FIGN: variants seen among roughly 807,000 people sequenced by gnomAD.
FIGN encodes the protein fidgetin.
A neutral mutation model predicts 51.3 loss-of-function variants in FIGN; 11 were observed. The ratio of observed to expected loss-of-function variants is 0.21; its 90% CI spans 0.13 to 0.35. The LOEUF is 0.35. FIGN is among the 10% of genes least tolerant of loss of function. The probability of loss-of-function intolerance (pLI) is 1.00; values close to 1 mark genes in which losing one functional copy is unlikely to be tolerated. For synonymous variants in FIGN, 407 were observed against 363.2 expected, an observed-to-expected ratio of 1.12 and a Z score of -1.37; for missense variants, 857 against 943.6, an observed-to-expected ratio of 0.91 and a Z score of 1.20.
intron 2 of FIGN, among the ~76,000 whole-genome samples, chr2:163,636,610 G>C (rs1683229645): frequency 6.6e-6 from 1 of 152,036 alleles, no homozygotes; most frequent in Non-Finnish European, 1.5e-5. Flanking sequence ...TAATGAAGAT[G>C]GTATGGATGA....
At chr2:163,661,682 G>C (rs185509224) in intron 2 of FIGN, among the ~76,000 whole-genome samples, 1 of 152,174 alleles carries the variant, frequency 6.6e-6, no homozygotes, top group East Asian at 1.9e-4. Context: ...GAGAGACCCA[G>C]GGGGAGGTAA....
At chr2:163,612,310 C>A (rs1351667707) in intron 2 of FIGN, 4 of 985,228 alleles carry the variant, frequency 4.1e-6, no homozygotes, top group Non-Finnish European at 4.8e-6. Flanking sequence ...ACACAGCTGA[C>A]AGATCACATC....
intron 2 of FIGN, among the ~76,000 whole-genome samples, chr2:163,697,407 T>A (rs1684339404): frequency 6.6e-6 from 1 of 152,116 alleles, no homozygotes. Flanking sequence ...AGCCTCTGTG[T>A]CATGATTACT....
chr2:163,735,024 A>C lies in FIGN; in HGVS notation c.-97T>G. ...AAGCCACTTTTCCTCTCAGCTATCA[A>C]ATGTCACTGCCTTGAAACGTGGGCC... On this transcript the variant is annotated 5_prime_UTR_variant, in exon 2 of 3. The change creates a new upstream start codon in the 5' untranslated region. Coordinates refer to ENST00000333129, the MANE Select transcript of FIGN (RefSeq NM_018086.4). 1.6e-6 allele frequency: 2 copies of C among 1,274,840 alleles called. No individual in the cohort carries two copies. The highest frequency in any genetic ancestry group is 2.3e-6 in the Non-Finnish European group (2 of 888,058). 79.0% of individuals were successfully genotyped at this position (1,274,840 alleles called of 1,614,324 possible).
chr2:163,634,662 T>C (rs1231446994), intron 2 of FIGN, among the ~76,000 whole-genome samples: 3 of 152,376 alleles, frequency 2.0e-5, no homozygotes, highest in Admixed American at 2.0e-4. Flanking sequence ...TCCACAAAAT[T>C]ACCTGTGATA....
At chr2:163,719,317 G>A (rs1684718254) in intron 2 of FIGN, among the ~76,000 whole-genome samples, 3 of 152,032 alleles carry the variant, frequency 2.0e-5, no homozygotes, top group Admixed American at 1.3e-4. Context: ...GAATTATGGC[G>A]GTAAGAAGGG....
At chr2:163,654,557 A>G (rs1229030886) in intron 2 of FIGN, among the ~76,000 whole-genome samples, 1 of 152,144 alleles carries the variant, frequency 6.6e-6, no homozygotes, top group Non-Finnish European at 1.5e-5. Context: ...TCAGTGTTCT[A>G]TTTAACTTGT....
chr2:163,700,146 T>C (rs1036197803), intron 2 of FIGN, among the ~76,000 whole-genome samples: 1 of 152,174 alleles, frequency 6.6e-6, no homozygotes, highest in Non-Finnish European at 1.5e-5. Flanking sequence ...GCACCAGTTA[T>C]GCACCTAGTA....
chr2:163,689,997 G>A (rs1037759014), intron 2 of FIGN, among the ~76,000 whole-genome samples: 13 of 152,112 alleles, frequency 8.5e-5, no homozygotes, highest in East Asian at 5.8e-4. Context: ...AGATGTCCTT[G>A]TTTTGGGTGA....
chr2:163,706,988 C>T (rs1684510032), intron 2 of FIGN, among the ~76,000 whole-genome samples: 1 of 152,128 alleles, frequency 6.6e-6, no homozygotes. Context: ...AAAAACTTAA[C>T]ATTTCTTTTC....
At chr2:163,629,953 T>TC (rs1491419301) in intron 2 of FIGN, among the ~76,000 whole-genome samples, 1 of 58,150 alleles carries the variant, frequency 1.7e-5, no homozygotes, top group Non-Finnish European at 3.5e-5. Flanking sequence ...AAAGGGGCAC[T>TC]TTTTTTTTTT....
intron 2 of FIGN, among the ~76,000 whole-genome samples, chr2:163,712,917 T>C (rs1684610260): frequency 6.6e-6 from 1 of 152,208 alleles, no homozygotes; most frequent in Non-Finnish European, 1.5e-5. Context: ...TGTAGTGCTT[T>C]CTAAAGTAAA....
At chr2:163,663,004 T>C (rs1683714491) in intron 2 of FIGN, among the ~76,000 whole-genome samples, 2 of 152,168 alleles carry the variant, frequency 1.3e-5, no homozygotes, top group Non-Finnish European at 2.9e-5. Context: ...CTCTTTTTCT[T>C]CCCAGTCTTG....
chr2:163,610,653 G>C lies in FIGN; in HGVS notation c.1179C>G (p.Ser393Arg). ...MSSEQQRKFS[S>R]QSSRALTPPS... Reference sequence around the variant, plus strand: ...GAGGGGTCAGAGCCCTACTGGACTGGCTGCTGAATTTCCTTTGCTGTTCAG... The same window carrying C: ...GAGGGGTCAGAGCCCTACTGGACTGCCTGCTGAATTTCCTTTGCTGTTCAG... Residue 393 changes from serine (S) to arginine (R), a missense_variant, in exon 3 of 3, where the codon AGC (serine) becomes AGG (arginine). Physicochemically the swap from Ser to Arg is moderately radical, Grantham distance 110 (BLOSUM62 -1). Around this residue, in one of 3 missense-constraint regions of FIGN, gnomAD observed 799 missense variants for 849.5 expected, o/e 0.94. Coordinates refer to ENST00000333129, the MANE Select transcript of FIGN (RefSeq NM_018086.4). 1 of 1,614,188 alleles carries C rather than the reference G, an allele frequency of 6.2e-7. No individual in the cohort carries two copies. The highest frequency in any genetic ancestry group is 8.5e-7 in the Non-Finnish European group (1 of 1,180,032).
At chr2:163,665,128 C>T (rs1405243706) in intron 2 of FIGN, among the ~76,000 whole-genome samples, 1 of 152,224 alleles carries the variant, frequency 6.6e-6, no homozygotes, top group East Asian at 1.9e-4. Context: ...ACATTGTGGA[C>T]AGTGCTGTTT....
chr2:163,649,803 A>G (rs1053539713), intron 2 of FIGN, among the ~76,000 whole-genome samples: 27 of 152,350 alleles, frequency 1.8e-4, no homozygotes, highest in African/African-American at 5.8e-4. Context: ...TACAAGAGGA[A>G]ATTTAGATGA....
At chr2:163,676,422 A>G (rs1390574993) in intron 2 of FIGN, among the ~76,000 whole-genome samples, 2 of 127,324 alleles carry the variant, frequency 1.6e-5, no homozygotes, top group South Asian at 2.7e-4. Context: ...AAAACATCTC[A>G]TGGATTCCTG....
At chr2:163,616,704 TA>T (rs1042642669) in intron 2 of FIGN, among the ~76,000 whole-genome samples, 6 of 152,112 alleles carry the variant, frequency 3.9e-5, no homozygotes, top group African/African-American at 1.2e-4. Context: ...TTTTTAACAT[TA>T]AAAAAATTAA....
At chr2:163,714,989 G>A (rs1312479121) in intron 2 of FIGN, among the ~76,000 whole-genome samples, 3 of 152,166 alleles carry the variant, frequency 2.0e-5, no homozygotes, top group African/African-American at 7.2e-5. Flanking sequence ...TAATGCGAAT[G>A]TCCATTCATT....
Sources: allele counts gnomAD v4.1 joint callset (sites outside exome capture counted in the v4.1 genomes callset), GRCh38; gene constraint gnomAD v4.1.1; regional missense constraint gnomAD v4.1.1; transcripts MANE v1.5; gene names NCBI Gene and HGNC (gene_info 2026-07-23, HGNC 2026-07-21).